Variants in FSTL4 observed in about 807,000 individuals in gnomAD.
FSTL4 encodes the protein follistatin-related protein 4.
Under a neutral mutation model 78.2 loss-of-function variants are expected in FSTL4, and 28 were observed. The observed-to-expected ratio is 0.36, with a 90% CI of 0.27 to 0.49. FSTL4 has a LOEUF of 0.49. Among genes scored for constraint, FSTL4 ranks in the 20% least tolerant of loss-of-function variants. The pLI is 0.98. For missense variants in FSTL4, 922 were observed against 1,084.9 expected, an observed-to-expected ratio of 0.85 and a Z score of 2.11; for synonymous variants, 422 against 440.5, an observed-to-expected ratio of 0.96 and a Z score of 0.53.
intron 4 of FSTL4, among the ~76,000 whole-genome samples, chr5:133,326,679 C>T (rs1215524043): frequency 6.6e-6 from 1 of 152,238 alleles, no homozygotes; most frequent in Non-Finnish European, 1.5e-5. Context: ...GGCCCAGTTC[C>T]ACAGAGCTGT....
intron 3 of FSTL4, among the ~76,000 whole-genome samples, chr5:133,560,140 G>C (rs1001796881): frequency 2.6e-5 from 4 of 152,198 alleles, no homozygotes; most frequent in South Asian, 4.1e-4. Flanking sequence ...CCAGGGCAAA[G>C]GCTACAGGTA....
At chr5:133,394,442 C>T (rs1755944460) in intron 4 of FSTL4, among the ~76,000 whole-genome samples, 1 of 152,242 alleles carries the variant, frequency 6.6e-6, no homozygotes, top group Non-Finnish European at 1.5e-5. Context: ...GGGCCCTGCA[C>T]TCACAGCGGC....
At chr5:133,686,128 T>C in the FSTL4 span, among the ~76,000 whole-genome samples, 3 of 152,206 alleles carry the variant, frequency 2.0e-5, no homozygotes, top group African/African-American at 7.2e-5. Context: ...GCATCCTACA[T>C]GTCTTCTATG....
chr5:133,634,582 G>C, the FSTL4 span, among the ~76,000 whole-genome samples: 2 of 152,050 alleles, frequency 1.3e-5, no homozygotes, highest in African/African-American at 4.8e-5. Flanking sequence ...AGAGATTTTA[G>C]CTGTATTTAA....
At chr5:133,760,486 A>G in the FSTL4 span, among the ~76,000 whole-genome samples, 1 of 152,140 alleles carries the variant, frequency 6.6e-6, no homozygotes, top group African/African-American at 2.4e-5. Context: ...GATGCACCAT[A>G]TTTGGGCCTT....
chr5:133,341,943 T>C (rs1294168651), intron 4 of FSTL4, among the ~76,000 whole-genome samples: 1 of 152,174 alleles, frequency 6.6e-6, no homozygotes, highest in Non-Finnish European at 1.5e-5. Flanking sequence ...CCAGGCCTAG[T>C]ACCTGCTCCA....
the FSTL4 span, among the ~76,000 whole-genome samples, chr5:133,808,125 C>T: frequency 2.0e-5 from 3 of 152,240 alleles, no homozygotes; most frequent in African/African-American, 7.2e-5. Context: ...TCCACTGAGG[C>T]TTTACTTTTT....
intron 3 of FSTL4, among the ~76,000 whole-genome samples, chr5:133,522,417 A>T (rs1213699247): frequency 6.6e-6 from 1 of 152,194 alleles, no homozygotes; most frequent in East Asian, 1.9e-4. Context: ...GGGCATTGGG[A>T]TTTAAAAAAT....
chr5:133,608,822 A>T (rs986398249), intron 1 of FSTL4, among the ~76,000 whole-genome samples: 15 of 152,338 alleles, frequency 9.8e-5, no homozygotes, highest in African/African-American at 3.4e-4. Flanking sequence ...AGGAATGCAA[A>T]TTGTTAGGGA....
chr5:133,471,234 G>C (rs777773056), intron 3 of FSTL4, among the ~76,000 whole-genome samples: 1 of 152,082 alleles, frequency 6.6e-6, no homozygotes, highest in African/African-American at 2.4e-5. Context: ...TTGGAGGCAC[G>C]CACCTCAATT....
chr5:133,283,473 G>C (rs1753057041), intron 6 of FSTL4, among the ~76,000 whole-genome samples: 1 of 152,156 alleles, frequency 6.6e-6, no homozygotes, highest in Non-Finnish European at 1.5e-5. Flanking sequence ...AGATCCAGGG[G>C]GACAGTCTGC....
the FSTL4 span, among the ~76,000 whole-genome samples, chr5:133,633,589 T>C: frequency 6.6e-6 from 1 of 152,234 alleles, no homozygotes; most frequent in Non-Finnish European, 1.5e-5. Flanking sequence ...ATCAAATAAT[T>C]CCAACATCTC....
rs558471476 is a variant in FSTL4, at chr5:133,325,564, C to CTGGGG, written c.410-8913_410-8912insCCCCA. Among the ~76,000 whole-genome samples the CTGGGG allele has an allele frequency of 3.8e-3, 583 of 152,174 alleles. 1 individual carries two copies. Among genetic ancestry groups the CTGGGG allele is most frequent in the African/African-American group, 0.013 (554 of 41,494 alleles). ...TCCCTTTGGGGAAGGGGGCGTGGACCTAGGGGCAAAGGCATGGGGAAGAAA... is the reference window on the plus strand; with the variant it reads ...TCCCTTTGGGGAAGGGGGCGTGGACCTGGGGTAGGGGCAAAGGCATGGGGAAGAAA... On this transcript the variant is annotated intron_variant, in intron 4 of 15. Transcript: ENST00000265342.
the FSTL4 span, among the ~76,000 whole-genome samples, chr5:133,690,484 G>A: frequency 6.6e-6 from 1 of 151,926 alleles, no homozygotes; most frequent in Non-Finnish European, 1.5e-5. Flanking sequence ...AATACCTAAT[G>A]GCAGATTATA....
intron 1 of FSTL4, among the ~76,000 whole-genome samples, chr5:133,605,259 C>T (rs1760954570): frequency 6.6e-6 from 1 of 152,184 alleles, no homozygotes; most frequent in Non-Finnish European, 1.5e-5. Flanking sequence ...CAATTTAGTG[C>T]TTAATCACAT....
chr5:133,396,099 C>T (rs972887968), intron 4 of FSTL4, among the ~76,000 whole-genome samples: 2 of 152,190 alleles, frequency 1.3e-5, no homozygotes, highest in Non-Finnish European at 2.9e-5. Context: ...CCCTCATTCA[C>T]AGGAGGACCC....
chr5:133,409,189 T>C (rs188023409), intron 3 of FSTL4, among the ~76,000 whole-genome samples: 87 of 152,126 alleles, frequency 5.7e-4, no homozygotes, highest in Non-Finnish European at 1.0e-3. Context: ...GCAAAGTGAC[T>C]GGAACTAACT....
At chr5:133,276,143 C>T (rs1241371497) in intron 6 of FSTL4, among the ~76,000 whole-genome samples, 1 of 152,196 alleles carries the variant, frequency 6.6e-6, no homozygotes, top group Non-Finnish European at 1.5e-5. Context: ...CACAATGTTT[C>T]CCCTCTAAGT....
the FSTL4 span, among the ~76,000 whole-genome samples, chr5:133,821,274 C>T: frequency 1.3e-5 from 2 of 152,196 alleles, no homozygotes; most frequent in Non-Finnish European, 2.9e-5. Context: ...TCCTTCTCAT[C>T]TGGTTCTTGA....
Sources: allele counts gnomAD v4.1 joint callset (sites outside exome capture counted in the v4.1 genomes callset), GRCh38; gene constraint gnomAD v4.1.1; transcripts MANE v1.5; gene names NCBI Gene and HGNC (gene_info 2026-07-23, HGNC 2026-07-21).